Variants in SLC26A7 observed in about 807,000 individuals in gnomAD.
SLC26A7 encodes the protein solute carrier family 26 member 7, also known as anion exchange transporter.
In SLC26A7, 59 loss-of-function variants were observed where a neutral mutation model predicts 82.5. The ratio of observed to expected loss-of-function variants is 0.72; its 90% CI spans 0.58 to 0.89. SLC26A7 has a LOEUF of 0.89. SLC26A7 is among the 40% of genes least tolerant of loss of function. SLC26A7 has a pLI of 0.00. For missense variants in SLC26A7, 820 were observed against 793.0 expected, an observed-to-expected ratio of 1.03 and a Z score of -0.41; for synonymous variants, 271 against 274.3, an observed-to-expected ratio of 0.99 and a Z score of 0.12.
chr8:91,301,558 T>A (rs1254944077), intron 4 of SLC26A7, among the ~76,000 whole-genome samples: 2 of 151,984 alleles, frequency 1.3e-5, no homozygotes, highest in Non-Finnish European at 2.9e-5. Flanking sequence ...TTTCAATGTT[T>A]TACCCTTTGA....
At chr8:91,330,776 A>C (rs1315669635) in intron 5 of SLC26A7, among the ~76,000 whole-genome samples, 1 of 152,230 alleles carries the variant, frequency 6.6e-6, no homozygotes, top group East Asian at 1.9e-4. Flanking sequence ...ATAAGCTCTT[A>C]TGCAGAGCTG....
intron 15 of SLC26A7, among the ~76,000 whole-genome samples, chr8:91,372,861 G>A (rs771028744): frequency 3.3e-5 from 5 of 151,926 alleles, no homozygotes; most frequent in Non-Finnish European, 7.4e-5. Flanking sequence ...CCATGACCAT[G>A]GGATGTTTTT....
In SLC26A7 at chr8:91,396,135, A is replaced by G. The variant is rs1808567015; in HGVS notation, c.*1038A>G. On this transcript the variant is annotated 3_prime_UTR_variant, in exon 19 of 19. Transcript: ENST00000276609. ...ACCAAACCAACAGGATAATTGACAAATAAACGCCATAGGCTAGGCTGAACT... is the reference window on the plus strand; with the variant it reads ...ACCAAACCAACAGGATAATTGACAAGTAAACGCCATAGGCTAGGCTGAACT... The G allele has an allele frequency of 6.6e-6, 1 of 152,048 alleles. No individual in the cohort carries two copies. The highest frequency in any genetic ancestry group is 2.4e-5 in the African/African-American group (1 of 41,436). The allele number at this position is 152,048 out of a possible 1,614,324, so 9.4% of individuals were successfully genotyped here.
intron 5 of SLC26A7, 116 bp from the exon 6 acceptor site, chr8:91,334,179 C>A: frequency 1.0e-6 from 1 of 966,668 alleles, no homozygotes; most frequent in Non-Finnish European, 1.5e-6. Flanking sequence ...TCTTTCCTCT[C>A]CCTAGCCATT....
At chr8:91,342,780 ATGTGT>A (rs1367939371) in intron 8 of SLC26A7, among the ~76,000 whole-genome samples, 2 of 152,176 alleles carry the variant, frequency 1.3e-5, no homozygotes, top group Non-Finnish European at 1.5e-5. Flanking sequence ...AGAGTTGTCA[ATGTGT>A]ATTTGAGTAG....
At chr8:91,304,563 A>G (rs986292443) in intron 4 of SLC26A7, among the ~76,000 whole-genome samples, 5 of 152,208 alleles carry the variant, frequency 3.3e-5, no homozygotes, top group Non-Finnish European at 5.9e-5. Flanking sequence ...AGTCTCAGGT[A>G]GTTCTTTATA....
At chr8:91,362,602 T>C in intron 12 of SLC26A7, 143 bp downstream of exon 12, 2 of 590,998 alleles carry the variant, frequency 3.4e-6, no homozygotes, top group Admixed American at 2.9e-5. Flanking sequence ...GTCAGAAAAC[T>C]AGAGACAAAC....
At chr8:91,375,942 C>A (rs980480010) in intron 15 of SLC26A7, among the ~76,000 whole-genome samples, 7 of 151,714 alleles carry the variant, frequency 4.6e-5, no homozygotes, top group Non-Finnish European at 8.8e-5. Context: ...TTTAAAATAT[C>A]TTTTTCTTTA....
At chr8:91,309,202 T>A (rs1250869063) in intron 4 of SLC26A7, among the ~76,000 whole-genome samples, 1 of 151,922 alleles carries the variant, frequency 6.6e-6, no homozygotes, top group East Asian at 1.9e-4. Context: ...TACACATGCT[T>A]GAGCCCACTG....
intron 16 of SLC26A7, among the ~76,000 whole-genome samples, chr8:91,391,882 G>A (rs1278127607): frequency 6.6e-6 from 1 of 151,682 alleles, no homozygotes; most frequent in African/African-American, 2.4e-5. Context: ...ATTGGTTTCT[G>A]AAATTATTAG....
At chr8:91,380,643 A>T (rs1025438187) in intron 15 of SLC26A7, among the ~76,000 whole-genome samples, 2 of 152,208 alleles carry the variant, frequency 1.3e-5, no homozygotes, top group Non-Finnish European at 2.9e-5. Context: ...TCATGTTGAC[A>T]TTCAGAAAGT....
intron 4 of SLC26A7, among the ~76,000 whole-genome samples, chr8:91,311,674 A>T (rs1239410927): frequency 6.6e-6 from 1 of 152,182 alleles, no homozygotes; most frequent in Non-Finnish European, 1.5e-5. Context: ...AGCGGAAACG[A>T]ACATGGCATC....
intron 4 of SLC26A7, among the ~76,000 whole-genome samples, chr8:91,297,969 G>A (rs757487999): frequency 2.0e-5 from 3 of 152,118 alleles, no homozygotes; most frequent in Non-Finnish European, 4.4e-5. Context: ...AATCATGTCT[G>A]ATCTGATTCA....
chr8:91,255,763 G>T (rs915664803), intron 2 of SLC26A7, among the ~76,000 whole-genome samples: 10 of 151,994 alleles, frequency 6.6e-5, no homozygotes, highest in Non-Finnish European at 1.3e-4. Flanking sequence ...AGATATTAAA[G>T]GACCCTGTAT....
intron 9 of SLC26A7, chr8:91,344,378 T>G (rs1813503391): frequency 5.8e-6 from 1 of 172,734 alleles, no homozygotes; most frequent in Non-Finnish European, 1.2e-5. Flanking sequence ...TATAAAAAAT[T>G]AACATTAACA....
At chr8:91,391,383 A>T (rs1043368009) in intron 16 of SLC26A7, among the ~76,000 whole-genome samples, 5 of 152,232 alleles carry the variant, frequency 3.3e-5, no homozygotes, top group Admixed American at 2.0e-4. Context: ...AAATAAAGAA[A>T]TAGCTTAAAA....
chr8:91,219,164 T>C, intron 2 of SLC26A7: 1 of 396,950 alleles, frequency 2.5e-6, no homozygotes, highest in Non-Finnish European at 4.5e-6. Flanking sequence ...AGCACTACAA[T>C]CTGCCTTCAG....
intron 1 of SLC26A7, among the ~76,000 whole-genome samples, chr8:91,213,157 G>A (rs1331810524): frequency 6.6e-6 from 1 of 152,110 alleles, no homozygotes; most frequent in African/African-American, 2.4e-5. Flanking sequence ...GGGGTGCTGT[G>A]GGAGAGCAGG....
chr8:91,338,297 C>A, intron 7 of SLC26A7, 65 bp downstream of exon 7: 1 of 1,177,806 alleles, frequency 8.5e-7, no homozygotes, highest in Non-Finnish European at 1.2e-6. Context: ...GAGAAAGGGA[C>A]AGGGAGTGAG....
Sources: gnomAD v4.1 joint callset for allele counts (sites outside exome capture counted in the v4.1 genomes callset) on GRCh38, gnomAD v4.1.1 for gene constraint, MANE v1.5 for transcripts, NCBI Gene and HGNC (gene_info 2026-07-23, HGNC 2026-07-21) for gene names.